Variants in DENND2C observed in about 807,000 individuals in gnomAD.
DENND2C encodes the protein DENN domain-containing protein 2C.
In DENND2C, 72 loss-of-function variants were observed where a neutral mutation model predicts 112.4. That is an observed-to-expected ratio of 0.64 (90% CI 0.53 to 0.78). The LOEUF (loss-of-function observed/expected upper bound fraction) is 0.78. DENND2C is among the 30% of genes least tolerant of loss of function. The pLI is 0.00. For missense variants in DENND2C, 992 were observed against 1,113.8 expected, an observed-to-expected ratio of 0.89 and a Z score of 1.56; for synonymous variants, 329 against 381.6, an observed-to-expected ratio of 0.86 and a Z score of 1.61.
At chr1:114,628,674 A>C (rs1460179005) in intron 3 of DENND2C, among the ~76,000 whole-genome samples, 1 of 152,328 alleles carries the variant, frequency 6.6e-6, no homozygotes, top group Middle Eastern at 3.4e-3. Flanking sequence ...GCGTGTTCTC[A>C]CATACAGGTT....
intron 9 of DENND2C, 85 bp downstream of exon 9, chr1:114,610,988 A>C (rs1400092421): frequency 6.7e-7 from 1 of 1,495,934 alleles, no homozygotes; most frequent in African/African-American, 1.4e-5. Flanking sequence ...TGTGGGAAAA[A>C]ACATGCTTAG....
chr1:114,585,439 ACAG>A lies in DENND2C; in HGVS notation c.*158_*160del. 1 of 690,254 alleles carries A rather than the reference ACAG, an allele frequency of 1.4e-6. No homozygotes were observed. Among genetic ancestry groups the A allele is most frequent in the Non-Finnish European group, 2.5e-6 (1 of 403,514 alleles). 42.8% of individuals were successfully genotyped at this position (690,254 alleles called of 1,614,324 possible). On this transcript the variant is annotated 3_prime_UTR_variant, in exon 21 of 21. Transcript: ENST00000393274. ...TCCCAACAATTCTCCAGTGATTACT[ACAG>A]CAGCAACAGGAGAATCCTCCTCTAA...
At chr1:114,640,045 G>A (rs1557955161) in intron 3 of DENND2C, among the ~76,000 whole-genome samples, 1 of 152,220 alleles carries the variant, frequency 6.6e-6, no homozygotes, top group African/African-American at 2.4e-5. Flanking sequence ...TGTAGCAAAA[G>A]CTGGGAGAAA....
chr1:114,631,346 C>T lies in DENND2C; in HGVS notation c.-204-5158G>A, dbSNP rs572859460. ...AGTCAAGATAGCACTCAAGCCTTGG[C>T]GACAGAGCAAGACTCCATCTCAAAA... is the stretch of plus-strand genomic sequence containing the variant. On this transcript the variant is annotated intron_variant, in intron 3 of 20. Coordinates refer to ENST00000393274, the MANE Select transcript of DENND2C (RefSeq NM_001256404.2). 9.3e-5 allele frequency among the ~76,000 whole-genome samples: 14 copies of T among 151,334 alleles called. No individual in the cohort carries two copies. The East Asian group carries it at 2.3e-3, about 25-fold the overall frequency.
At chr1:114,617,371 C>T (rs566325826) in intron 8 of DENND2C, among the ~76,000 whole-genome samples, 15 of 152,078 alleles carry the variant, frequency 9.9e-5, no homozygotes, top group East Asian at 5.8e-4. Flanking sequence ...AGTGCAGTGG[C>T]GCGATCTCAC....
intron 17 of DENND2C, 100 bp from the exon 18 acceptor site, chr1:114,594,678 T>C: frequency 1.0e-6 from 1 of 979,054 alleles, no homozygotes; most frequent in Non-Finnish European, 1.5e-6. Flanking sequence ...CACAAGTGAC[T>C]GTATATATTT....
At chr1:114,637,471 A>G (rs1419887948) in intron 3 of DENND2C, among the ~76,000 whole-genome samples, 1 of 152,130 alleles carries the variant, frequency 6.6e-6, no homozygotes, top group African/African-American at 2.4e-5. Context: ...AAAAATAAAG[A>G]ATAACTACAT....
chr1:114,655,882 A>AT (rs199699184), intron 1 of DENND2C, among the ~76,000 whole-genome samples: 21,070 of 70,840 alleles, frequency 0.3, 2,103 homozygotes, highest in South Asian at 0.51. Flanking sequence ...ATATATGTAT[A>AT]AATATATATA....
chr1:114,640,465 A>G (rs1656804085), intron 3 of DENND2C, among the ~76,000 whole-genome samples: 1 of 152,232 alleles, frequency 6.6e-6, no homozygotes, highest in Non-Finnish European at 1.5e-5. Context: ...ATGAAATAAG[A>G]TAGTGTAGAA....
rs201016959 is a variant in DENND2C at position 114,600,192 on chromosome 1, C to T, written c.2105+12G>A. 6.2e-5 allele frequency: 100 copies of T among 1,608,418 alleles called. No individual in the cohort carries two copies. In the African/African-American group the frequency reaches 1.2e-3, roughly 19 times the overall value. ...CACCAGTGTGAAGTAACATATTTCA[C>T]TTATTTCTTACCTTAGGCTGTTGGC... On this transcript the variant is annotated intron_variant, in intron 15 of 20. Coordinates refer to ENST00000393274, the MANE Select transcript of DENND2C (RefSeq NM_001256404.2).
rs913433251 is a variant in DENND2C, at chr1:114,629,873, G to A, written c.-204-3685C>T. On this transcript the variant is annotated intron_variant, in intron 3 of 20. Transcript: ENST00000393274. ...CCAATTCAAGTCTTGGATAGGGCAAGTTTCTCACTCCAAATCTTTTAAAAT... is the reference window on the plus strand; with the variant it reads ...CCAATTCAAGTCTTGGATAGGGCAAATTTCTCACTCCAAATCTTTTAAAAT... Among the ~76,000 whole-genome samples, 4 of 152,244 alleles carry A rather than the reference G, an allele frequency of 2.6e-5. No individual in the cohort carries two copies. In the East Asian group the frequency reaches 7.7e-4, roughly 29 times the overall value.
At chr1:114,633,273 C>T (rs377650587) in intron 3 of DENND2C, among the ~76,000 whole-genome samples, 3 of 151,642 alleles carry the variant, frequency 2.0e-5, no homozygotes, top group African/African-American at 7.3e-5. Context: ...TGTGAAGCCC[C>T]GTCCCTACTA....
intron 7 of DENND2C, 132 bp downstream of exon 7, chr1:114,621,763 G>T (rs775505746): frequency 3.3e-6 from 4 of 1,195,582 alleles, no homozygotes; most frequent in Non-Finnish European, 4.6e-6. Flanking sequence ...AAAACATAAC[G>T]CTGCCTTCTA....
chr1:114,622,069 A>T lies in DENND2C; in HGVS notation c.1057-4T>A. 1 of 1,528,880 alleles carries T rather than the reference A, an allele frequency of 6.5e-7. No individual in the cohort carries two copies. The highest frequency in any genetic ancestry group is 8.8e-7 in the Non-Finnish European group (1 of 1,139,020). 94.7% of individuals were successfully genotyped at this position (1,528,880 alleles called of 1,614,324 possible). A position where few individuals can be genotyped will look rare whatever the true frequency, so the allele number is the denominator to read the frequency against. The stretch of plus-strand genomic sequence containing the variant: ...GGAACTGAGGTTTTGGAGGGAGCTA[A>T]AACAGGAGAAGATGTACTGGTAAGA... On this transcript the variant is annotated splice_polypyrimidine_tract_variant and splice_region_variant and intron_variant, in intron 6 of 20. Transcript: ENST00000393274.
chr1:114,599,781 C>T (rs1284341259), intron 15 of DENND2C, among the ~76,000 whole-genome samples: 2 of 152,058 alleles, frequency 1.3e-5, no homozygotes, highest in Non-Finnish European at 2.9e-5. Flanking sequence ...TATAGCCTAA[C>T]GCAAGTGGCT....
At chr1:114,620,775 T>A in intron 7 of DENND2C, among the ~76,000 whole-genome samples, 1 of 152,158 alleles carries the variant, frequency 6.6e-6, no homozygotes, top group East Asian at 1.9e-4. Flanking sequence ...AAAACCTCTA[T>A]GTCTTTAACT....
intron 3 of DENND2C, among the ~76,000 whole-genome samples, chr1:114,630,483 T>A (rs1346026579): frequency 6.6e-6 from 1 of 152,048 alleles, no homozygotes; most frequent in Non-Finnish European, 1.5e-5. Flanking sequence ...CTTAAGATTG[T>A]GATCCCTGAA....
chr1:114,653,545 A>G (rs10858049), intron 2 of DENND2C, among the ~76,000 whole-genome samples: 32,781 of 152,170 alleles, frequency 0.22, 4,206 homozygotes, highest in Non-Finnish European at 0.3. Flanking sequence ...GTGGTTATGC[A>G]AGAAATTGTC....
intron 9 of DENND2C, among the ~76,000 whole-genome samples, chr1:114,610,343 T>G (rs1410395884): frequency 6.6e-6 from 1 of 152,182 alleles, no homozygotes; most frequent in Non-Finnish European, 1.5e-5. Flanking sequence ...CAAATAGATA[T>G]TTCCTTTTTC....
Sources: allele counts gnomAD v4.1 joint callset (sites outside exome capture counted in the v4.1 genomes callset), GRCh38; gene constraint gnomAD v4.1.1; transcripts MANE v1.5; gene names NCBI Gene and HGNC (gene_info 2026-07-23, HGNC 2026-07-21).